Variants in XKR6 observed in about 807,000 individuals in gnomAD.
XKR6 encodes XK related 6.
Under a neutral mutation model 56.7 loss-of-function variants are expected in XKR6, and 22 were observed. The ratio of observed to expected loss-of-function variants is 0.39; its 90% CI spans 0.28 to 0.55. The LOEUF (loss-of-function observed/expected upper bound fraction) is 0.55. Among genes scored for constraint, XKR6 ranks in the 20% least tolerant of loss-of-function variants. The probability of loss-of-function intolerance (pLI) is 0.66; values close to 1 mark genes in which losing one functional copy is unlikely to be tolerated. For missense variants in XKR6, 852 were observed against 889.0 expected (o/e 0.96, Z 0.53); for synonymous variants, 524 against 387.8 (o/e 1.35, Z -4.13).
chr8:11,148,807 G>A (rs940020492), intron 1 of XKR6, among the ~76,000 whole-genome samples: 1 of 152,160 alleles, frequency 6.6e-6, no homozygotes, highest in Non-Finnish European at 1.5e-5. Flanking sequence ...GGACAAACTG[G>A]TGTTTCCATA....
intron 1 of XKR6, among the ~76,000 whole-genome samples, chr8:11,060,436 G>C (rs1376707307): frequency 1.3e-5 from 2 of 152,220 alleles, no homozygotes; most frequent in Non-Finnish European, 2.9e-5. Context: ...GCAGTGCCTT[G>C]ATGGCGCCAC....
intron 1 of XKR6, among the ~76,000 whole-genome samples, chr8:11,064,314 G>C (rs1563113105): frequency 1.3e-5 from 2 of 152,164 alleles, no homozygotes; most frequent in Admixed American, 6.5e-5. Context: ...CTCTGCCTCA[G>C]TTAATTAGAG....
chr8:10,976,846 C>G lies in XKR6; in HGVS notation c.765-52016G>C, dbSNP rs192535972. Among the ~76,000 whole-genome samples, 86 of 152,246 alleles carry G rather than the reference C, an allele frequency of 5.6e-4. 1 individual carries two copies. The East Asian group carries it at 0.015, about 26-fold the overall frequency. ...TGCAATCCTCCAATAGCGATGTGGCCTCCCTGAAAGAAAACATCTGGCTGC... is the reference window on the plus strand; with the variant it reads ...TGCAATCCTCCAATAGCGATGTGGCGTCCCTGAAAGAAAACATCTGGCTGC... On this transcript the variant is annotated intron_variant, in intron 1 of 2. Coordinates refer to ENST00000416569, the MANE Select transcript of XKR6 (RefSeq NM_173683.4).
chr8:10,906,000 C>T (rs1256369403), intron 2 of XKR6, among the ~76,000 whole-genome samples: 1 of 152,208 alleles, frequency 6.6e-6, no homozygotes, highest in Non-Finnish European at 1.5e-5. Flanking sequence ...AAACAAGCAT[C>T]CTGATGACTT....
At chr8:11,192,766 T>C (rs1255869963) in intron 1 of XKR6, among the ~76,000 whole-genome samples, 1 of 152,198 alleles carries the variant, frequency 6.6e-6, no homozygotes, top group Non-Finnish European at 1.5e-5. Flanking sequence ...TCCTGGAGTC[T>C]GTAGTAAGGC....
At chr8:11,162,337 C>T (rs76270912) in intron 1 of XKR6, among the ~76,000 whole-genome samples, 3,461 of 152,258 alleles carry the variant, frequency 0.023, 134 homozygotes, top group African/African-American at 0.08. Context: ...TGAAGAGCTA[C>T]ACTCCAGCCT....
chr8:11,139,413 G>A (rs561953758), intron 1 of XKR6, among the ~76,000 whole-genome samples: 138 of 152,194 alleles, frequency 9.1e-4, no homozygotes, highest in Middle Eastern at 3.4e-3. Context: ...ATGGGCTCTC[G>A]GGAAGGCAGA....
At chr8:11,047,527 G>C (rs974449507) in intron 1 of XKR6, among the ~76,000 whole-genome samples, 2 of 152,078 alleles carry the variant, frequency 1.3e-5, no homozygotes, top group African/African-American at 4.8e-5. Context: ...GTCACAAAAA[G>C]ACAAATTCCA....
chr8:10,980,804 A>T (rs139400490), intron 1 of XKR6, among the ~76,000 whole-genome samples: 314 of 152,186 alleles, frequency 2.1e-3, no homozygotes, highest in Middle Eastern at 6.8e-3. Flanking sequence ...GGATAACAAT[A>T]TCTATTCCTG....
chr8:11,117,382 TA>T (rs1799232382), intron 1 of XKR6, among the ~76,000 whole-genome samples: 1 of 152,158 alleles, frequency 6.6e-6, no homozygotes, highest in Admixed American at 6.5e-5. Context: ...CAACTTCACA[TA>T]TGCAGCTTGC....
At chr8:10,989,664 C>G (rs777901044) in intron 1 of XKR6, among the ~76,000 whole-genome samples, 8 of 152,238 alleles carry the variant, frequency 5.3e-5, no homozygotes, top group Non-Finnish European at 8.8e-5. Context: ...ATATCAGTAT[C>G]TACCTCACAG....
intron 1 of XKR6, among the ~76,000 whole-genome samples, chr8:11,093,107 G>A (rs1332546322): frequency 6.6e-6 from 1 of 152,030 alleles, no homozygotes; most frequent in Admixed American, 6.5e-5. Context: ...TCAGGCTGGA[G>A]TGCAATGGTG....
chr8:10,959,500 T>C (rs143312821), intron 1 of XKR6, among the ~76,000 whole-genome samples: 118 of 152,292 alleles, frequency 7.7e-4, no homozygotes, highest in African/African-American at 2.8e-3. Flanking sequence ...GCCAGTGGAT[T>C]TGGTTCCTGG....
intron 1 of XKR6, among the ~76,000 whole-genome samples, chr8:11,007,743 G>C (rs1798403203): frequency 6.6e-6 from 1 of 152,196 alleles, no homozygotes; most frequent in Non-Finnish European, 1.5e-5. Context: ...GTTGGGGGTG[G>C]AGGAACAGAG....
intron 1 of XKR6, among the ~76,000 whole-genome samples, chr8:10,966,148 G>A (rs1269338128): frequency 1.3e-5 from 2 of 152,144 alleles, no homozygotes; most frequent in Admixed American, 6.5e-5. Context: ...GGGTACATCC[G>A]GACTACTTGA....
At chr8:10,899,001 C>T (rs1323206481) in intron 2 of XKR6, 85 bp from the exon 3 acceptor site, 5 of 1,498,774 alleles carry the variant, frequency 3.3e-6, no homozygotes, top group Non-Finnish European at 4.4e-6. Flanking sequence ...AGGAGACGCC[C>T]ACATACACCA....
At position 11,138,417 on chromosome 8, in the gene XKR6, T is replaced by C. The variant is rs182291700; in HGVS notation, c.764+62159A>G. 14 of 152,428 alleles carry C rather than the reference T, an allele frequency of 9.2e-5. No individual in the cohort carries two copies. The East Asian group carries it at 2.5e-3, about 27-fold the overall frequency. The allele number at this position is 152,428 out of a possible 1,614,324, so 9.4% of individuals were successfully genotyped here. ...CTAGCTGTTAACAATTATCATTCAA[T>C]ATAGCATACTGTAGGTACCCAAACT... On this transcript the variant is annotated intron_variant, in intron 1 of 2. Transcript: ENST00000416569.
intron 1 of XKR6, among the ~76,000 whole-genome samples, chr8:11,048,737 C>G (rs548650062): frequency 5.9e-5 from 9 of 152,260 alleles, no homozygotes; most frequent in African/African-American, 2.2e-4. Context: ...TTGTGCTACC[C>G]CCTGTCCTGT....
At chr8:11,113,332 TA>T (rs1798998947) in intron 1 of XKR6, among the ~76,000 whole-genome samples, 1 of 152,106 alleles carries the variant, frequency 6.6e-6, no homozygotes, top group Non-Finnish European at 1.5e-5. Flanking sequence ...TCAACATATT[TA>T]AAAGGACATG....
Sources: gnomAD v4.1 joint callset for allele counts (sites outside exome capture counted in the v4.1 genomes callset) on GRCh38, gnomAD v4.1.1 for gene constraint, MANE v1.5 for transcripts, NCBI Gene and HGNC (gene_info 2026-07-23, HGNC 2026-07-21) for gene names.